Variants in CS observed in about 807,000 individuals in gnomAD.
CS encodes citrate synthase.
In CS, 13 loss-of-function variants were observed where a neutral mutation model predicts 61.4. That is an observed-to-expected ratio of 0.21 (90% CI 0.14 to 0.34). The LOEUF is 0.34. CS is among the 10% of genes least tolerant of loss of function. The pLI is 1.00. For synonymous variants in CS, 159 were observed against 215.2 expected, an observed-to-expected ratio of 0.74 and a Z score of 2.29; for missense variants, 278 against 573.4, an observed-to-expected ratio of 0.48 and a Z score of 5.26.
chr12:56,284,087 G>C (rs370309516), intron 3 of CS, among the ~76,000 whole-genome samples: 1 of 151,876 alleles, frequency 6.6e-6, no homozygotes, highest in African/African-American at 2.4e-5. Flanking sequence ...TTGGGAAGCC[G>C]AGGCAGGTGG....
intron 6 of CS, 193 bp downstream of exon 6, chr12:56,282,227 T>C (rs1461633067): frequency 2.1e-6 from 1 of 479,716 alleles, no homozygotes; most frequent in African/African-American, 2.0e-5. Flanking sequence ...GTCCTGGTGA[T>C]AGAAACCATG....
At chr12:56,273,906 T>G in intron 9 of CS, 110 bp from the exon 10 acceptor site, 1 of 919,726 alleles carries the variant, frequency 1.1e-6, no homozygotes, top group Non-Finnish European at 1.7e-6. Context: ...TGATCACATC[T>G]CACGGCAGCC....
chr12:56,278,731 T>A (rs1427438242), intron 6 of CS, among the ~76,000 whole-genome samples: 1 of 149,346 alleles, frequency 6.7e-6, no homozygotes, highest in Non-Finnish European at 1.5e-5. Context: ...AGACTCTGTC[T>A]CGGAAAAAAA....
At chr12:56,280,415 C>CAA (rs1565620524) in intron 6 of CS, among the ~76,000 whole-genome samples, 334 of 11,312 alleles carry the variant, frequency 0.03, 17 homozygotes, top group Admixed American at 0.032. Flanking sequence ...ACACCGTCTC[C>CAA]CAAAAAAAAC....
At position 56,271,895 on chromosome 12, in the gene CS, A is replaced by G. The variant is rs1029933424; in HGVS notation, c.*1189T>C. ...CAGGAGTGTATCTTAATCCTTTCTC[A>G]AAGAAAAAGAAGTAGAGCATTCTGA... On this transcript the variant is annotated 3_prime_UTR_variant, in exon 11 of 11. Coordinates refer to ENST00000351328, the MANE Select transcript of CS (RefSeq NM_004077.3). 2.2e-6 allele frequency: 1 copy of G among 456,288 alleles called. No homozygotes were observed. The highest frequency in any genetic ancestry group is 2.0e-5 in the African/African-American group (1 of 50,060). 28.3% of individuals were successfully genotyped at this position (456,288 alleles called of 1,614,324 possible).
chr12:56,293,040 G>A (rs1873181619), intron 1 of CS, among the ~76,000 whole-genome samples: 3 of 152,164 alleles, frequency 2.0e-5, no homozygotes, highest in Admixed American at 1.3e-4. Context: ...CCAGGTGGCT[G>A]AAGCTGCAGT....
At chr12:56,296,439 A>C (rs1006049272) in intron 1 of CS, among the ~76,000 whole-genome samples, 9 of 151,814 alleles carry the variant, frequency 5.9e-5, no homozygotes, top group African/African-American at 1.2e-4. Context: ...CCCACCCCCC[A>C]AAAAAAACCC....
In CS at chr12:56,271,991, A is replaced by C. The variant is rs1210186585; in HGVS notation, c.*1093T>G. The stretch of plus-strand genomic sequence containing the variant: ...TGAGCTCTCAGGGAAAGGGAGGAAA[A>C]AGATGTTGATAAATAAGGAGGCAAT... On this transcript the variant is annotated 3_prime_UTR_variant, in exon 11 of 11. Transcript: ENST00000351328. The C allele has an allele frequency of 2.3e-6, 1 of 431,484 alleles. No individual in the cohort carries two copies. The allele number at this position is 431,484 out of a possible 1,614,324, so 26.7% of individuals were successfully genotyped here.
At chr12:56,284,649 C>T (rs1872882424) in intron 3 of CS, among the ~76,000 whole-genome samples, 1 of 151,126 alleles carries the variant, frequency 6.6e-6, no homozygotes, top group Non-Finnish European at 1.5e-5. Context: ...CGCCTGTAAT[C>T]CCAGCACTTT....
rs1315861947 is a variant in CS, at chr12:56,280,437, A to AC, written c.588+1982dup. Among the ~76,000 whole-genome samples, 167 of 144,282 alleles carry AC rather than the reference A, an allele frequency of 1.2e-3. 8 individuals are homozygous for AC. The highest frequency in any genetic ancestry group is 2.1e-3 in the Non-Finnish European group (139 of 65,302). 94.7% of individuals were successfully genotyped at this position (144,282 alleles called of 152,430 possible). A position where few individuals can be genotyped will look rare whatever the true frequency, so the allele number is the denominator to read the frequency against. On this transcript the variant is annotated intron_variant, in intron 6 of 10. Coordinates refer to ENST00000351328, the MANE Select transcript of CS (RefSeq NM_004077.3). ...CTCCCAAAAAAAACAAAAAAAAAAA[A>AC]CAAAAAAATTAGCCAGGAGTGGTGG...
At chr12:56,289,840 TCA>T (rs1198572389) in intron 1 of CS, among the ~76,000 whole-genome samples, 1 of 152,102 alleles carries the variant, frequency 6.6e-6, no homozygotes, top group Non-Finnish European at 1.5e-5. Flanking sequence ...TCTTCCTACC[TCA>T]GTCTCCCACA....
intron 6 of CS, among the ~76,000 whole-genome samples, chr12:56,281,309 C>A (rs747324488): frequency 6.6e-6 from 1 of 152,216 alleles, no homozygotes; most frequent in Non-Finnish European, 1.5e-5. Context: ...GAATTATGTA[C>A]TATGCATTGG....
chr12:56,275,948 C>G (rs755606954), intron 7 of CS, 48 bp downstream of exon 7: 1 of 1,555,900 alleles, frequency 6.4e-7, no homozygotes, highest in Admixed American at 1.7e-5. Context: ...AAAAAAATTT[C>G]CCACCAATTG....
intron 9 of CS, 21 bp downstream of exon 9, chr12:56,274,756 T>G: frequency 2.7e-6 from 4 of 1,504,182 alleles, no homozygotes; most frequent in Non-Finnish European, 3.6e-6. Context: ...TCTTTCCTAG[T>G]CGTTAAGCAT....
intron 1 of CS, among the ~76,000 whole-genome samples, chr12:56,290,786 AT>A (rs1873097548): frequency 6.6e-6 from 1 of 152,144 alleles, no homozygotes; most frequent in Non-Finnish European, 1.5e-5. Context: ...ATGAACTACT[AT>A]TTCTCTTCCC....
chr12:56,283,033 C>A lies in CS; in HGVS notation c.268-42G>T, dbSNP rs1270408504. ...GAGAATTACAACTCAAGTTTATAGC[C>A]TAGAAGTCACACGACTGGTCTTACT... On this transcript the variant is annotated intron_variant, in intron 4 of 10. Transcript: ENST00000351328. 4 of 1,610,804 alleles carry A rather than the reference C, an allele frequency of 2.5e-6. No homozygotes were observed. In the African/African-American group the frequency reaches 5.3e-5, roughly 22 times the overall value.
chr12:56,275,043 T>G lies in CS; in HGVS notation c.877A>C (p.Met293Leu). 1 of 1,614,244 alleles carries G rather than the reference T, an allele frequency of 6.2e-7. No homozygotes were observed. Among genetic ancestry groups the G allele is most frequent in the Non-Finnish European group, 8.5e-7 (1 of 1,180,042 alleles). Residue 293 changes from methionine to leucine, a missense_variant, in exon 8 of 11, where the codon ATG (methionine) becomes CTG (leucine). Met to Leu is a conservative substitution (Grantham distance 15). Around this residue, in one of 2 missense-constraint regions of CS, gnomAD observed 223 missense variants for 503.5 expected, o/e 0.44. Coordinates refer to ENST00000351328, the MANE Select transcript of CS (RefSeq NM_004077.3). ...TGGAGAGGCCCTGCCAGCCCGTTCA[T>G]GGCTGCTGCAAAGGACAGGTAAGGG... Reference protein sequence around the residue: ...SDPYLSFAAAMNGLAGPLHGL... With the variant: ...SDPYLSFAAALNGLAGPLHGL...
At chr12:56,296,396 T>C (rs901772330) in intron 1 of CS, among the ~76,000 whole-genome samples, 4 of 151,784 alleles carry the variant, frequency 2.6e-5, no homozygotes, top group Non-Finnish European at 2.9e-5. Flanking sequence ...GCTGTAGTAA[T>C]AGCAAGCCAT....
intron 1 of CS, among the ~76,000 whole-genome samples, chr12:56,293,886 A>C (rs1873211968): frequency 6.6e-6 from 1 of 152,218 alleles, no homozygotes; most frequent in South Asian, 2.1e-4. Context: ...CAGTAGGAAA[A>C]AATCCTGTAC....
Sources: allele counts gnomAD v4.1 joint callset (sites outside exome capture counted in the v4.1 genomes callset), GRCh38; gene constraint gnomAD v4.1.1; regional missense constraint gnomAD v4.1.1; transcripts MANE v1.5; gene names NCBI Gene and HGNC (gene_info 2026-07-23, HGNC 2026-07-21).